SAMD4B: variants seen among roughly 807,000 people sequenced by gnomAD.
The protein encoded by SAMD4B is sterile alpha motif domain containing 4B.
In SAMD4B, 5 loss-of-function variants were observed where a neutral mutation model predicts 74.5. The observed-to-expected ratio is 0.07, with a 90% CI of 0.04 to 0.14. SAMD4B has a LOEUF of 0.14. Ranked by LOEUF, SAMD4B falls within the 10% of genes least tolerant of loss-of-function variation. The probability of loss-of-function intolerance (pLI) is 1.00; values close to 1 mark genes in which losing one functional copy is unlikely to be tolerated. For synonymous variants in SAMD4B, 373 were observed against 374.9 expected (o/e 1.00, Z 0.06); for missense variants, 608 against 921.8 (o/e 0.66, Z 4.41).
Position 39,377,660 on chromosome 19 carries a change from T to G in SAMD4B, c.1280T>G (p.Leu427Arg). The change falls in exon 8 of 14, where the codon CTA becomes CGA. Residue 427 changes from leucine to arginine, a missense_variant. By Grantham distance (102) the Leu-to-Arg change is moderately radical. This residue lies in a region of SAMD4B where 99 missense variants were observed against 112.1 expected (regional missense o/e 0.88). Transcript: ENST00000610417. ...CCGCTGCCAGGTGCTGAGCCTCCCC[T>G]AGCCCACCCCGGCACAGACAAAGGC... Reference protein sequence around the residue: ...EPPLPGAEPPLAHPGTDKGTE... With the variant: ...EPPLPGAEPPRAHPGTDKGTE... 4 of 1,614,050 alleles carry G rather than the reference T, an allele frequency of 2.5e-6. No individual in the cohort carries two copies. The highest frequency in any genetic ancestry group is 3.4e-6 in the Non-Finnish European group (4 of 1,179,942).
intron 3 of SAMD4B, among the ~76,000 whole-genome samples, chr19:39,361,469 AG>A (rs2076644209): frequency 6.7e-6 from 1 of 148,688 alleles, no homozygotes; most frequent in African/African-American, 2.5e-5. Context: ...ACAAAAAATT[AG>A]CCAGACGTGG....
downstream of SAMD4B, chr19:39,388,332 T>A: frequency 6.2e-7 from 1 of 1,614,150 alleles, no homozygotes. Flanking sequence ...AGGAGTGTGC[T>A]GAGTACCTGG....
intron 2 of SAMD4B, among the ~76,000 whole-genome samples, chr19:39,355,225 A>G (rs2076277704): frequency 6.6e-6 from 1 of 152,168 alleles, no homozygotes; most frequent in Admixed American, 6.5e-5. Context: ...ATTTTAGGCC[A>G]GGGAGGTGAC....
At chr19:39,347,075 T>G (rs2075747670) in intron 1 of SAMD4B, among the ~76,000 whole-genome samples, 1 of 152,158 alleles carries the variant, frequency 6.6e-6, no homozygotes, top group Admixed American at 6.5e-5. Flanking sequence ...AGTGGGGGAT[T>G]AATTGGCTTT....
In SAMD4B at chr19:39,383,766, G is replaced by C; in HGVS notation, c.*239G>C. The C allele has an allele frequency of 6.8e-7, 1 of 1,480,984 alleles. No homozygotes were observed. The highest frequency in any genetic ancestry group is 2.5e-5 in the East Asian group (1 of 40,610). The allele number at this position is 1,480,984 out of a possible 1,614,324, so 91.7% of individuals were successfully genotyped here. ...GTTGGGGGCAGCCAGGATAAAGGGGGCAGGGACTGGCCAGACTGCCTGCCT... is the reference window on the plus strand; with the variant it reads ...GTTGGGGGCAGCCAGGATAAAGGGGCCAGGGACTGGCCAGACTGCCTGCCT... On this transcript the variant is annotated 3_prime_UTR_variant, in exon 14 of 14. Coordinates refer to ENST00000610417, the MANE Select transcript of SAMD4B (RefSeq NM_001384574.2). The surrounding 1 kb of genome is among the most constrained non-coding windows in gnomAD (Gnocchi z 4.1).
chr19:39,383,173 T>G lies in SAMD4B; in HGVS notation c.1973-35T>G. ...GCTGTCTTCACCTGAGTCCAGTTGGTCCTTACCACCCCCATTCTCCTCTCT... is the reference window on the plus strand; with the variant it reads ...GCTGTCTTCACCTGAGTCCAGTTGGGCCTTACCACCCCCATTCTCCTCTCT... On this transcript the variant is annotated intron_variant, in intron 12 of 13. Transcript: ENST00000610417. This position sits in a 1 kb window ranked among gnomAD's most constrained non-coding sequence, Gnocchi z 4.1. 1 of 1,581,134 alleles carries G rather than the reference T, an allele frequency of 6.3e-7. No individual in the cohort carries two copies.
chr19:39,343,504 A>C (rs1600503013), intron 1 of SAMD4B, among the ~76,000 whole-genome samples: 3 of 128,248 alleles, frequency 2.3e-5, no homozygotes, highest in African/African-American at 6.0e-5. Flanking sequence ...TCTCATACAC[A>C]CTCCCCCTTC....
intron 1 of SAMD4B, chr19:39,350,958 T>C (rs552618110): frequency 6.6e-6 from 1 of 152,360 alleles, no homozygotes; most frequent in Admixed American, 6.5e-5. Flanking sequence ...AGGCTGCTGA[T>C]CTGGAACCTT....
intron 10 of SAMD4B, 82 bp downstream of exon 10, chr19:39,380,166 G>A (rs1431811718): frequency 2.9e-6 from 3 of 1,033,926 alleles, no homozygotes; most frequent in East Asian, 2.5e-5. Context: ...GGGTGATTGT[G>A]TTCTGGGCTG....
intron 12 of SAMD4B, among the ~76,000 whole-genome samples, chr19:39,382,557 A>G (rs2078061491): frequency 6.6e-6 from 1 of 152,158 alleles, no homozygotes; most frequent in African/African-American, 2.4e-5. Context: ...AAATCCAGGT[A>G]AACAGCTCGG....
chr19:39,378,780 GC>G lies in SAMD4B; in HGVS notation c.1530+193del, dbSNP rs2077760546. On this transcript the variant is annotated intron_variant, in intron 9 of 13. Transcript: ENST00000610417. The surrounding 1 kb of genome is among the most constrained non-coding windows in gnomAD (Gnocchi z 4.4). ...AAATTAGCCGGGCGTGGTGGCAGGT[GC>G]CTGCAGTCCCAGCTACGCGGGAGGC... 6.6e-6 allele frequency among the ~76,000 whole-genome samples: 1 copy of G among 152,274 alleles called. No individual in the cohort carries two copies. The highest frequency in any genetic ancestry group is 2.1e-4 in the South Asian group (1 of 4,834).
intron 3 of SAMD4B, among the ~76,000 whole-genome samples, chr19:39,362,269 G>A (rs759495299): frequency 3.3e-5 from 5 of 152,322 alleles, no homozygotes; most frequent in East Asian, 1.9e-4. Context: ...TGACTCTTGG[G>A]TGCACCCAGT....
intron 3 of SAMD4B, among the ~76,000 whole-genome samples, chr19:39,365,625 CTT>C (rs1484226410): frequency 6.6e-6 from 1 of 152,134 alleles, no homozygotes; most frequent in Non-Finnish European, 1.5e-5. Context: ...GGCTCTGTCA[CTT>C]AGGGTGTGTG....
chr19:39,387,039 C>T (rs141732400), downstream of SAMD4B: 1,313 of 580,914 alleles, frequency 2.3e-3, 15 homozygotes, highest in African/African-American at 0.012. Context: ...GTGTGTTATA[C>T]GGTGTATTTA....
At chr19:39,347,180 T>A (rs2075754040) in intron 1 of SAMD4B, among the ~76,000 whole-genome samples, 1 of 152,206 alleles carries the variant, frequency 6.6e-6, no homozygotes, top group Non-Finnish European at 1.5e-5. Flanking sequence ...ATTTCTCCAC[T>A]GAGTTAGCTT....
chr19:39,346,424 A>G (rs2075706778), intron 1 of SAMD4B, among the ~76,000 whole-genome samples: 1 of 152,196 alleles, frequency 6.6e-6, no homozygotes, highest in Non-Finnish European at 1.5e-5. Context: ...GAGATGAAAG[A>G]AGACAGATTT....
Position 39,370,017 on chromosome 19 carries a change from G to A in SAMD4B, c.559G>A (p.Gly187Arg), listed in dbSNP as rs754519539. The A allele has an allele frequency of 1.2e-6, 2 of 1,612,700 alleles. No individual in the cohort carries two copies. The highest frequency in any genetic ancestry group is 2.7e-5 in the African/African-American group (2 of 74,872). ...GPAELGPGEA[G>R]PGWQDKPPRE... ...TGCAGAGCTAGGCCCTGGGGAGGCA[G>A]GGCCAGGCTGGCAGGACAAGCCACC... The change falls in exon 4 of 14, where the codon GGG becomes AGG. Residue 187 changes from glycine (G) to arginine (R), a missense_variant. Gly to Arg is a moderately radical substitution (Grantham distance 125). Transcript: ENST00000610417.
chr19:39,356,852 T>G lies in SAMD4B; in HGVS notation c.-42T>G. The G allele has an allele frequency of 6.5e-7, 1 of 1,540,962 alleles. No individual in the cohort carries two copies. Among genetic ancestry groups the G allele is most frequent in the East Asian group, 2.3e-5 (1 of 43,556 alleles). On this transcript the variant is annotated 5_prime_UTR_variant, in exon 3 of 14. Coordinates refer to ENST00000610417, the MANE Select transcript of SAMD4B (RefSeq NM_001384574.2). ...CGGGACCATGTGACGGCGCTGGCCCTCGCCACCGCCGTCCCCCGACCCTGG... is the reference window on the plus strand; with the variant it reads ...CGGGACCATGTGACGGCGCTGGCCCGCGCCACCGCCGTCCCCCGACCCTGG...
At chr19:39,373,169 T>G (rs1228599678) in intron 4 of SAMD4B, among the ~76,000 whole-genome samples, 1 of 152,170 alleles carries the variant, frequency 6.6e-6, no homozygotes, top group Non-Finnish European at 1.5e-5. Flanking sequence ...GCCTGTCAAC[T>G]CCCGTGGGAA....
Sources: gnomAD v4.1 joint callset for allele counts (sites outside exome capture counted in the v4.1 genomes callset) on GRCh38, gnomAD v4.1.1 for gene constraint, gnomAD v4.1.1 regional missense constraint, Gnocchi (gnomAD v3.1) non-coding constraint, MANE v1.5 for transcripts, NCBI Gene and HGNC (gene_info 2026-07-23, HGNC 2026-07-21) for gene names.